Variants in CUBN observed in about 807,000 individuals in gnomAD.
CUBN encodes the protein cubilin, also known as 460 kDa receptor.
Under a neutral mutation model 405.3 loss-of-function variants are expected in CUBN, and 282 were observed. The ratio of observed to expected loss-of-function variants is 0.70; its 90% CI spans 0.63 to 0.77. CUBN has a LOEUF of 0.77. Among genes scored for constraint, CUBN ranks in the 30% least tolerant of loss-of-function variants. CUBN has a pLI of 0.00. For synonymous variants in CUBN, 1,684 were observed against 1,617.0 expected, an observed-to-expected ratio of 1.04 and a Z score of -0.99; for missense variants, 4,514 against 4,475.2, an observed-to-expected ratio of 1.01 and a Z score of -0.25.
Position 16,890,467 on chromosome 10 carries a change from C to A in CUBN, c.8659G>T (p.Ala2887Ser), listed in dbSNP as rs775886142. The change falls in exon 55 of 67, where the codon GCT becomes TCT. Residue 2887 changes from alanine to serine, a missense_variant. Transcript: ENST00000377833. ...ALLATGCGNV[A>S]PGPVITPSNT... is the part of the protein sequence containing the mutation. Reference sequence around the variant, plus strand: ...CTTGGTGTGATAACGGGACCCGGAGCCACGTTCCCACAGCCAGTGGCTAGC... The same window carrying A: ...CTTGGTGTGATAACGGGACCCGGAGACACGTTCCCACAGCCAGTGGCTAGC... 10 of 1,613,998 alleles carry A rather than the reference C, an allele frequency of 6.2e-6. No individual in the cohort carries two copies. The highest frequency in any genetic ancestry group is 1.7e-5 in the Admixed American group (1 of 60,002).
At chr10:16,912,132 G>A (rs1841751243) in intron 48 of CUBN, among the ~76,000 whole-genome samples, 1 of 152,096 alleles carries the variant, frequency 6.6e-6, no homozygotes, top group African/African-American at 2.4e-5. Context: ...AGATCTGAAA[G>A]AAAACAGTTC....
chr10:16,885,858 C>A (rs1391024350), intron 56 of CUBN, among the ~76,000 whole-genome samples: 2 of 152,112 alleles, frequency 1.3e-5, no homozygotes, highest in African/African-American at 4.8e-5. Context: ...TGTTCCCCTG[C>A]TATTAAAATA....
rs763424966 is a variant in CUBN, at chr10:16,851,221, TA to T, written c.9663+13del. Reference sequence around the variant, plus strand: ...GGATGAATAGACTCTGTTAAAAAAATAAAACAGCCTTACCTTTACATAATCA... The same window carrying T: ...GGATGAATAGACTCTGTTAAAAAAATAAACAGCCTTACCTTTACATAATCA... On this transcript the variant is annotated intron_variant, in intron 60 of 66. Coordinates refer to ENST00000377833, the MANE Select transcript of CUBN (RefSeq NM_001081.4). The T allele has an allele frequency of 6.2e-7, 1 of 1,601,110 alleles. No homozygotes were observed. Among genetic ancestry groups the T allele is most frequent in the East Asian group, 2.2e-5 (1 of 44,798 alleles).
chr10:16,824,712 G>T lies in CUBN; in HGVS notation c.*263C>A, dbSNP rs1174556588. The T allele has an allele frequency of 1.0e-5, 4 of 394,052 alleles. No individual in the cohort carries two copies. Among genetic ancestry groups the T allele is most frequent in the Non-Finnish European group, 2.0e-5 (4 of 204,704 alleles). The allele number at this position is 394,052 out of a possible 1,614,324, so 24.4% of individuals were successfully genotyped here. ...ATTATTATATTGTTAGAGAGATGAG[G>T]TTTCACCATGCTGGCCAGGCTAGTC... On this transcript the variant is annotated 3_prime_UTR_variant, in exon 67 of 67. Transcript: ENST00000377833.
chr10:16,901,654 G>A (rs1478205514), intron 51 of CUBN, among the ~76,000 whole-genome samples, 195 bp from the exon 52 acceptor site: 4 of 151,956 alleles, frequency 2.6e-5, no homozygotes, highest in Non-Finnish European at 4.4e-5. Flanking sequence ...AGGAGCTCAA[G>A]ACCAGCCTGG....
intron 55 of CUBN, 126 bp downstream of exon 55, chr10:16,890,245 G>A: frequency 1.2e-6 from 1 of 844,812 alleles, no homozygotes. Flanking sequence ...CTTGGGATTA[G>A]GTGACTCATC....
intron 63 of CUBN, 52 bp downstream of exon 63, chr10:16,836,183 A>G: frequency 6.7e-7 from 1 of 1,489,550 alleles, no homozygotes; most frequent in South Asian, 1.1e-5. Context: ...TTCTACGAAT[A>G]ATGGTAATGA....
In CUBN at chr10:16,840,484, G is replaced by A. The variant is rs566296480; in HGVS notation, c.9878C>T (p.Ser3293Leu). Residue 3293 changes from serine (S) to leucine (L), a missense_variant, in exon 62 of 67, where the codon TCA becomes TTA. Physicochemically the swap from Ser to Leu is moderately radical, Grantham distance 145 (BLOSUM62 -2). Coordinates refer to ENST00000377833, the MANE Select transcript of CUBN (RefSeq NM_001081.4). ...GACATCTGGGTCTGATGAATTGGGT[G>A]ATGAAATATTTTGTGGGGTCCAAGT... The part of the protein sequence containing the change: ...NATWTPQNIS[S>L]PNSSDPDVPF... 2.0e-5 allele frequency: 33 copies of A among 1,613,202 alleles called. No homozygotes were observed. Among genetic ancestry groups the A allele is most frequent in the South Asian group, 1.8e-4 (16 of 90,870 alleles).
chr10:16,898,975 T>C, intron 54 of CUBN, 21 bp downstream of exon 54: 1 of 1,565,190 alleles, frequency 6.4e-7, no homozygotes. Context: ...TGGCTCCAAT[T>C]AAATGAACAA....
At chr10:16,907,169 C>T (rs1841576669) in intron 49 of CUBN, among the ~76,000 whole-genome samples, 1 of 151,966 alleles carries the variant, frequency 6.6e-6, no homozygotes, top group Non-Finnish European at 1.5e-5. Flanking sequence ...ACTAAGTTAC[C>T]CTCTAGGAGG....
chr10:17,129,621 G>T, intron 1 of CUBN, 23 bp downstream of exon 1: 2 of 1,614,076 alleles, frequency 1.2e-6, no homozygotes, highest in Non-Finnish European at 1.7e-6. Flanking sequence ...CCCTGAGCAG[G>T]AATGACCCAT....
At position 17,110,908 on chromosome 10, in the gene CUBN, C is replaced by T. The variant is rs768426984; in HGVS notation, c.1015+11G>A. On this transcript the variant is annotated intron_variant, in intron 9 of 66. Transcript: ENST00000377833. ...TGGGGTCAGGAGGTTGACATTGAAC[C>T]GAGGCAGCACCTGGTGGACAGGCCT... The T allele has an allele frequency of 5.1e-5, 83 of 1,613,986 alleles. No individual in the cohort carries two copies. The highest frequency in any genetic ancestry group is 2.4e-4 in the South Asian group (22 of 91,082).
intron 59 of CUBN, among the ~76,000 whole-genome samples, chr10:16,863,991 C>G (rs1237802723): frequency 6.6e-6 from 1 of 152,098 alleles, no homozygotes; most frequent in East Asian, 1.9e-4. Flanking sequence ...AATTTACCTC[C>G]CTGTGTAGAG....
chr10:16,887,602 C>T (rs994557862), intron 56 of CUBN, among the ~76,000 whole-genome samples: 1 of 152,222 alleles, frequency 6.6e-6, no homozygotes, highest in Non-Finnish European at 1.5e-5. Context: ...GAAAAGGGAA[C>T]TCTTCCTCGT....
intron 10 of CUBN, among the ~76,000 whole-genome samples, chr10:17,108,331 A>C (rs1836685665): frequency 2.0e-5 from 3 of 152,082 alleles, no homozygotes; most frequent in Admixed American, 2.0e-4. Flanking sequence ...CATGCTCCTA[A>C]CCACTTTGGT....
At chr10:17,098,394 C>T (rs995737791) in intron 14 of CUBN, among the ~76,000 whole-genome samples, 1 of 152,180 alleles carries the variant, frequency 6.6e-6, no homozygotes, top group Admixed American at 6.5e-5. Context: ...ATTAGTTATA[C>T]AGCAATAGTA....
At chr10:16,974,324 G>A (rs755639215) in intron 31 of CUBN, among the ~76,000 whole-genome samples, 17 of 152,110 alleles carry the variant, frequency 1.1e-4, no homozygotes, top group Non-Finnish European at 1.9e-4. Context: ...TCACACTATC[G>A]GTGTGGCTCA....
intron 31 of CUBN, among the ~76,000 whole-genome samples, chr10:16,955,145 TG>T (rs1268252676): frequency 6.6e-6 from 1 of 151,446 alleles, no homozygotes; most frequent in Non-Finnish European, 1.5e-5. Context: ...CTGAGGCGGG[TG>T]GATCACCTGA....
intron 27 of CUBN, among the ~76,000 whole-genome samples, chr10:17,037,956 T>G (rs560414372): frequency 4.0e-5 from 6 of 151,882 alleles, no homozygotes; most frequent in Admixed American, 2.6e-4. Flanking sequence ...TTTTTTTTTT[T>G]TAGACAGGGT....
Sources: gnomAD v4.1 joint callset for allele counts (sites outside exome capture counted in the v4.1 genomes callset) on GRCh38, gnomAD v4.1.1 for gene constraint, MANE v1.5 for transcripts, NCBI Gene and HGNC (gene_info 2026-07-23, HGNC 2026-07-21) for gene names.